Variants in SRSF8 observed in about 807,000 individuals in gnomAD.
The protein encoded by SRSF8 is serine and arginine rich splicing factor 8.
In SRSF8, 3 loss-of-function variants were observed where a neutral mutation model predicts 2.0. That is an observed-to-expected ratio of 1.47 (90% CI 0.67 to 3.79). The LOEUF (loss-of-function observed/expected upper bound fraction) is 3.79. SRSF8 is among the 30% of genes most tolerant of loss of function. The pLI is 0.02. For synonymous variants in SRSF8, 162 were observed against 170.7 expected (o/e 0.95, Z 0.40); for missense variants, 408 against 410.9 (o/e 0.99, Z 0.06).
Position 95,068,268 on chromosome 11 carries a change from A to G in SRSF8, c.*193A>G. Reference sequence around the variant, plus strand: ...TCATTCTATGTGCCGTTTTGTTGTTATTCACATTTTATTGTAACTTAGGAG... The same window carrying G: ...TCATTCTATGTGCCGTTTTGTTGTTGTTCACATTTTATTGTAACTTAGGAG... On this transcript the variant is annotated 3_prime_UTR_variant, in exon 1 of 1. Coordinates refer to ENST00000587424, the MANE Select transcript of SRSF8 (RefSeq NM_032102.4). 1 of 612,250 alleles carries G rather than the reference A, an allele frequency of 1.6e-6. No individual in the cohort carries two copies. Among genetic ancestry groups the G allele is most frequent in the South Asian group, 2.2e-5 (1 of 45,576 alleles). 37.9% of individuals were successfully genotyped at this position (612,250 alleles called of 1,614,324 possible).
rs1858652606 is a variant in SRSF8 at position 95,066,993 on chromosome 11, T to C, written c.-234T>C. Among the ~76,000 whole-genome samples, 1 of 152,250 alleles carries C rather than the reference T, an allele frequency of 6.6e-6. No homozygotes were observed. Among genetic ancestry groups the C allele is most frequent in the Non-Finnish European group, 1.5e-5 (1 of 68,042 alleles). On this transcript the variant is annotated 5_prime_UTR_variant, in exon 1 of 1. Coordinates refer to ENST00000587424, the MANE Select transcript of SRSF8 (RefSeq NM_032102.4). The stretch of plus-strand genomic sequence containing the variant: ...AGGATCTTCGGGGCCTGGCTTCATT[T>C]GGAGTTCAGCTACCAAAAGGAAACC...
chr11:95,067,219 T>C lies in SRSF8; in HGVS notation c.-8T>C. The C allele has an allele frequency of 6.7e-7, 1 of 1,500,756 alleles. No individual in the cohort carries two copies. 93.0% of individuals were successfully genotyped at this position (1,500,756 alleles called of 1,614,324 possible). A position where few individuals can be genotyped will look rare whatever the true frequency, so the allele number is the denominator to read the frequency against. On this transcript the variant is annotated 5_prime_UTR_variant, in exon 1 of 1. Coordinates refer to ENST00000587424, the MANE Select transcript of SRSF8 (RefSeq NM_032102.4). ...GCCAGTTTCCGGGCCCGGGCTGCTC[T>C]CGGAGCCATGAGCTGCGGCCGCCCC... is the stretch of plus-strand genomic sequence containing the variant.
chr11:95,068,033 G>GC lies in SRSF8; in HGVS notation c.813dup (p.Lys272GlnfsTer4), dbSNP rs781928250. ...CCAAGTCAAGGTCGCGATCCAAGAG[G>GC]CCCCCCAAGTCTCCTGAAGAGGAAG... On this transcript the variant is annotated frameshift_variant, in exon 1 of 1. Transcript: ENST00000587424. LOFTEE classifies it high-confidence loss of function. The GC allele has an allele frequency of 2.2e-5, 35 of 1,613,476 alleles. 1 individual carries two copies. The South Asian group carries it at 3.5e-4, about 16-fold the overall frequency.
Position 95,067,224 on chromosome 11 carries a change from G to C in SRSF8, c.-3G>C. 2.0e-6 allele frequency: 3 copies of C among 1,513,580 alleles called. No individual in the cohort carries two copies. Among genetic ancestry groups the C allele is most frequent in the Non-Finnish European group, 2.7e-6 (3 of 1,125,034 alleles). 93.8% of individuals were successfully genotyped at this position (1,513,580 alleles called of 1,614,324 possible). ...TTTCCGGGCCCGGGCTGCTCTCGGA[G>C]CCATGAGCTGCGGCCGCCCCCCTCC... is the stretch of plus-strand genomic sequence containing the variant. On this transcript the variant is annotated 5_prime_UTR_variant, in exon 1 of 1. Transcript: ENST00000587424.
Position 95,067,148 on chromosome 11 carries a change from A to C in SRSF8, c.-79A>C. ...TCCCGGCGTCCCCACGCGGGGCGCA[A>C]CCGCGAGAAAGAAACGCAGGTCGCA... On this transcript the variant is annotated 5_prime_UTR_variant, in exon 1 of 1. Transcript: ENST00000587424. 7.7e-7 allele frequency: 1 copy of C among 1,302,988 alleles called. No individual in the cohort carries two copies. The highest frequency in any genetic ancestry group is 1.0e-6 in the Non-Finnish European group (1 of 1,004,028). 80.7% of individuals were successfully genotyped at this position (1,302,988 alleles called of 1,614,324 possible). A position where few individuals can be genotyped will look rare whatever the true frequency, so the allele number is the denominator to read the frequency against.
chr11:95,068,390 G>C lies in SRSF8; in HGVS notation c.*315G>C, dbSNP rs538347985. 171 of 298,662 alleles carry C rather than the reference G, an allele frequency of 5.7e-4. No homozygotes were observed. The highest frequency in any genetic ancestry group is 3.4e-3 in the African/African-American group (160 of 46,472). 18.5% of individuals were successfully genotyped at this position (298,662 alleles called of 1,614,324 possible). A position where few individuals can be genotyped will look rare whatever the true frequency, so the allele number is the denominator to read the frequency against. On this transcript the variant is annotated 3_prime_UTR_variant, in exon 1 of 1. Transcript: ENST00000587424. ...TGACTGTTTTGGTTTGAAATGAACA[G>C]ATTGGTAACCTAATTTGTGGCCTCC...
chr11:95,067,590 G>GGGCGGCGGAGCCGCAGCCCCA lies in SRSF8; in HGVS notation c.372_392dup (p.Ser125_Arg131dup), dbSNP rs782031546. 5.4e-6 allele frequency: 8 copies of GGGCGGCGGAGCCGCAGCCCCA among 1,485,566 alleles called. No homozygotes were observed. The highest frequency in any genetic ancestry group is 7.3e-6 in the Non-Finnish European group (8 of 1,097,372). 92.0% of individuals were successfully genotyped at this position (1,485,566 alleles called of 1,614,324 possible). On this transcript the variant is annotated inframe_insertion, in exon 1 of 1. Coordinates refer to ENST00000587424, the MANE Select transcript of SRSF8 (RefSeq NM_032102.4). ...CTACGGACGGCGGAGCCGCAGCTAC[G>GGGCGGCGGAGCCGCAGCCCCA]GGCGGCGGAGCCGCAGCCCCAGGCG...
chr11:95,067,514 C>T lies in SRSF8; in HGVS notation c.288C>T (p.Asp96=). ...AGGTGGCGCGCTATGGCCGCCGGGACCTGCCCCGCAGCCGCCAGGGAGAGC... is the reference window on the plus strand; with the variant it reads ...AGGTGGCGCGCTATGGCCGCCGGGATCTGCCCCGCAGCCGCCAGGGAGAGC... ...RVQVARYGRR[D]LPRSRQGEPR... The change falls in exon 1 of 1, where the codon GAC becomes GAT. Residue 96 remains aspartate, a synonymous_variant. Transcript: ENST00000587424. 1 of 1,507,748 alleles carries T rather than the reference C, an allele frequency of 6.6e-7. No homozygotes were observed. Among genetic ancestry groups the T allele is most frequent in the Non-Finnish European group, 8.8e-7 (1 of 1,132,080 alleles). The allele number at this position is 1,507,748 out of a possible 1,614,324, so 93.4% of individuals were successfully genotyped here. A position where few individuals can be genotyped will look rare whatever the true frequency, so the allele number is the denominator to read the frequency against.
chr11:95,067,698 T>A lies in SRSF8; in HGVS notation c.472T>A (p.Ser158Thr). The A allele has an allele frequency of 6.2e-7, 1 of 1,613,880 alleles. No individual in the cohort carries two copies. Among genetic ancestry groups the A allele is most frequent in the Non-Finnish European group, 8.5e-7 (1 of 1,179,808 alleles). The change falls in exon 1 of 1, where the codon TCT becomes ACT. Residue 158 changes from serine to threonine, a missense_variant. Around this residue, in one of 2 missense-constraint regions of SRSF8, gnomAD observed 346 missense variants for 316.5 expected, o/e 1.09. Transcript: ENST00000587424. The part of the protein sequence containing the change: ...SRYRGSRYSR[S>T]PYSRSPYSRS... ...CTATAGGGGTTCTCGCTATAGCCGG[T>A]CTCCCTACAGCCGATCTCCTTACAG...
In SRSF8 at chr11:95,067,770, G is replaced by T; in HGVS notation, c.544G>T (p.Glu182Ter). The T allele has an allele frequency of 6.2e-7, 1 of 1,614,024 alleles. No homozygotes were observed. The highest frequency in any genetic ancestry group is 8.5e-7 in the Non-Finnish European group (1 of 1,179,882). ...TCCCTACAGCAGATCTCGCTACAGGGAATCTCGCTACGGCGGATCTCACTA... is the reference window on the plus strand; with the variant it reads ...TCCCTACAGCAGATCTCGCTACAGGTAATCTCGCTACGGCGGATCTCACTA... Reference protein sequence around the residue: ...RSPYSRSRYRESRYGGSHYSS... With the variant: ...RSPYSRSRYR The change falls in exon 1 of 1, where the codon GAA (glutamate) becomes TAA (stop). Residue 182 changes from glutamate to a stop codon, truncating the protein, a stop_gained. Coordinates refer to ENST00000587424, the MANE Select transcript of SRSF8 (RefSeq NM_032102.4). LOFTEE classifies it low-confidence loss of function (END_TRUNC).
In SRSF8 at chr11:95,068,920, T is replaced by C. The variant is rs1858694512; in HGVS notation, c.*845T>C. 1 of 167,050 alleles carries C rather than the reference T, an allele frequency of 6.0e-6. No homozygotes were observed. The highest frequency in any genetic ancestry group is 1.5e-5 in the Non-Finnish European group (1 of 68,120). The allele number at this position is 167,050 out of a possible 1,614,324, so 10.3% of individuals were successfully genotyped here. Reference sequence around the variant, plus strand: ...CTTTTCCCCCGTCTTTTCTGAAAAATTGTAAATCTGATCATATCAACATGT... The same window carrying C: ...CTTTTCCCCCGTCTTTTCTGAAAAACTGTAAATCTGATCATATCAACATGT... On this transcript the variant is annotated 3_prime_UTR_variant, in exon 1 of 1. Coordinates refer to ENST00000587424, the MANE Select transcript of SRSF8 (RefSeq NM_032102.4).
rs1858670888 is a variant in SRSF8, at chr11:95,067,648, G to T, written c.422G>T (p.Cys141Phe). ...CGCAGCCGATCCCGGGGTCCCAGCT[G>T]CTCCAGGTCCCGCAGCCGATCTCGC... ...RHRSRSRGPS[C>F]SRSRSRSRYR... is the part of the protein sequence containing the mutation. Residue 141 changes from cysteine (C) to phenylalanine (F), a missense_variant, in exon 1 of 1, where the codon TGC becomes TTC. Transcript: ENST00000587424. The T allele has an allele frequency of 6.2e-7, 1 of 1,604,796 alleles. No homozygotes were observed. Among genetic ancestry groups the T allele is most frequent in the Non-Finnish European group, 8.5e-7 (1 of 1,175,728 alleles).
chr11:95,068,179 A>G lies in SRSF8; in HGVS notation c.*104A>G. On this transcript the variant is annotated 3_prime_UTR_variant, in exon 1 of 1. Coordinates refer to ENST00000587424, the MANE Select transcript of SRSF8 (RefSeq NM_032102.4). ...CCCTGGAAGAAGAGGCTGCCTATTGAAAAGGTTGTGTCACACTTTTCTACC... is the reference window on the plus strand; with the variant it reads ...CCCTGGAAGAAGAGGCTGCCTATTGGAAAGGTTGTGTCACACTTTTCTACC... The G allele has an allele frequency of 8.5e-7, 1 of 1,182,336 alleles. No homozygotes were observed. The highest frequency in any genetic ancestry group is 2.8e-5 in the Admixed American group (1 of 36,170). 73.2% of individuals were successfully genotyped at this position (1,182,336 alleles called of 1,614,324 possible).
Position 95,067,595 on chromosome 11 carries a change from G to T in SRSF8, c.369G>T (p.Arg123=), listed in dbSNP as rs528330997. The T allele has an allele frequency of 6.5e-6, 10 of 1,550,350 alleles. No individual in the cohort carries two copies. In the African/African-American group the frequency reaches 9.6e-5, roughly 15 times the overall value. The change falls in exon 1 of 1, where the codon CGG becomes CGT. Residue 123 remains arginine, a synonymous_variant. Coordinates refer to ENST00000587424, the MANE Select transcript of SRSF8 (RefSeq NM_032102.4). ...GYGRRSRSYG[R]RSRSPRRRHR... is the part of the protein sequence containing the mutation. Reference sequence around the variant, plus strand: ...GACGGCGGAGCCGCAGCTACGGGCGGCGGAGCCGCAGCCCCAGGCGGCGAC... The same window carrying T: ...GACGGCGGAGCCGCAGCTACGGGCGTCGGAGCCGCAGCCCCAGGCGGCGAC...
At position 95,067,538 on chromosome 11, in the gene SRSF8, G is replaced by C; in HGVS notation, c.312G>C (p.Glu104Asp). 6 of 1,526,316 alleles carry C rather than the reference G, an allele frequency of 3.9e-6. No homozygotes were observed. The highest frequency in any genetic ancestry group is 5.3e-6 in the Non-Finnish European group (6 of 1,139,004). The allele number at this position is 1,526,316 out of a possible 1,614,324, so 94.5% of individuals were successfully genotyped here. The change falls in exon 1 of 1, where the codon GAG (glutamate) becomes GAC (aspartate). Residue 104 changes from glutamate to aspartate, a missense_variant. Physicochemically the swap from Glu to Asp is conservative, Grantham distance 45. Around this residue, in one of 2 missense-constraint regions of SRSF8, gnomAD observed 346 missense variants for 316.5 expected, o/e 1.09. Coordinates refer to ENST00000587424, the MANE Select transcript of SRSF8 (RefSeq NM_032102.4). The stretch of plus-strand genomic sequence containing the variant: ...ACCTGCCCCGCAGCCGCCAGGGAGA[G>C]CCACGCGGCAGGTCCAGAGGCGGCG... ...RRDLPRSRQG[E>D]PRGRSRGGGY...
Position 95,071,142 on chromosome 11 carries a change from A to T in SRSF8, c.*3067A>T, listed in dbSNP as rs895445685. Reference sequence around the variant, plus strand: ...TCTTTAAGATTCTCTGTATTGTTGCATGTGGCTGAGTTTATTTTTGATGCT... The same window carrying T: ...TCTTTAAGATTCTCTGTATTGTTGCTTGTGGCTGAGTTTATTTTTGATGCT... On this transcript the variant is annotated 3_prime_UTR_variant, in exon 1 of 1. Coordinates refer to ENST00000587424, the MANE Select transcript of SRSF8 (RefSeq NM_032102.4). 95 of 167,192 alleles carry T rather than the reference A, an allele frequency of 5.7e-4. No individual in the cohort carries two copies. Among genetic ancestry groups the T allele is most frequent in the African/African-American group, 2.3e-3 (94 of 41,570 alleles). 10.4% of individuals were successfully genotyped at this position (167,192 alleles called of 1,614,324 possible). A position where few individuals can be genotyped will look rare whatever the true frequency, so the allele number is the denominator to read the frequency against.
In SRSF8 at chr11:95,068,132, A is replaced by T; in HGVS notation, c.*57A>T. 2 of 1,512,142 alleles carry T rather than the reference A, an allele frequency of 1.3e-6. No homozygotes were observed. Among genetic ancestry groups the T allele is most frequent in the Non-Finnish European group, 1.8e-6 (2 of 1,110,772 alleles). The allele number at this position is 1,512,142 out of a possible 1,614,324, so 93.7% of individuals were successfully genotyped here. A position where few individuals can be genotyped will look rare whatever the true frequency, so the allele number is the denominator to read the frequency against. ...AGGACTTGGGGGAAAAGGATCACAT[A>T]CTCAGTCTATGGAAGCAACGTCCCT... On this transcript the variant is annotated 3_prime_UTR_variant, in exon 1 of 1. Transcript: ENST00000587424.
In SRSF8 at chr11:95,067,080, C is replaced by A. The variant is rs779056230; in HGVS notation, c.-147C>A. On this transcript the variant is annotated 5_prime_UTR_variant, in exon 1 of 1. Coordinates refer to ENST00000587424, the MANE Select transcript of SRSF8 (RefSeq NM_032102.4). The stretch of plus-strand genomic sequence containing the variant: ...GAACTCGGAAGTTGCTGCTCCAGGG[C>A]GCTCCCTGCGGAGCTCCGCCGCCCG... The A allele has an allele frequency of 1.4e-6, 1 of 704,896 alleles. No homozygotes were observed. The highest frequency in any genetic ancestry group is 2.1e-6 in the Non-Finnish European group (1 of 465,400). 43.7% of individuals were successfully genotyped at this position (704,896 alleles called of 1,614,324 possible). A position where few individuals can be genotyped will look rare whatever the true frequency, so the allele number is the denominator to read the frequency against.
In SRSF8 at chr11:95,070,241, T is replaced by A. The variant is rs1239225957; in HGVS notation, c.*2166T>A. 4 of 152,852 alleles carry A rather than the reference T, an allele frequency of 2.6e-5. No individual in the cohort carries two copies. Among genetic ancestry groups the A allele is most frequent in the Non-Finnish European group, 5.9e-5 (4 of 68,096 alleles). 9.5% of individuals were successfully genotyped at this position (152,852 alleles called of 1,614,324 possible). A position where few individuals can be genotyped will look rare whatever the true frequency, so the allele number is the denominator to read the frequency against. ...AAAATTAGCTGGGCATGGTGGCGCA[T>A]GCCTATAATCCCAGCTACTCGGAGG... On this transcript the variant is annotated 3_prime_UTR_variant, in exon 1 of 1. Transcript: ENST00000587424.
Sources: allele counts gnomAD v4.1 joint callset (sites outside exome capture counted in the v4.1 genomes callset), GRCh38; gene constraint gnomAD v4.1.1; regional missense constraint gnomAD v4.1.1; transcripts MANE v1.5; gene names NCBI Gene and HGNC (gene_info 2026-07-23, HGNC 2026-07-21).